Variants in NCKAP5 observed in about 807,000 individuals in gnomAD.
NCKAP5 encodes the protein NCK associated protein 5, also known as nck-associated protein 5.
A neutral mutation model predicts 167.0 loss-of-function variants in NCKAP5; 92 were observed. The observed-to-expected ratio is 0.55, with a 90% CI of 0.47 to 0.66. NCKAP5 has a LOEUF of 0.66. Among genes scored for constraint, NCKAP5 ranks in the 30% least tolerant of loss-of-function variants. NCKAP5 has a pLI of 0.00. For synonymous variants in NCKAP5, 891 were observed against 877.4 expected, an observed-to-expected ratio of 1.02 and a Z score of -0.27; for missense variants, 2,378 against 2,315.0, an observed-to-expected ratio of 1.03 and a Z score of -0.56.
intron 13 of NCKAP5, among the ~76,000 whole-genome samples, chr2:132,789,353 T>G (rs1683861259): frequency 6.6e-6 from 1 of 152,232 alleles, no homozygotes; most frequent in South Asian, 2.1e-4. Context: ...CAGCAGGCTC[T>G]GTACTTTGCA....
At chr2:133,069,866 TA>T (rs2080328296) in intron 6 of NCKAP5, among the ~76,000 whole-genome samples, 1 of 149,960 alleles carries the variant, frequency 6.7e-6, no homozygotes, top group South Asian at 2.1e-4. Context: ...ATTGATTTAT[TA>T]AAAATATATA....
intron 5 of NCKAP5, among the ~76,000 whole-genome samples, chr2:133,135,522 C>T (rs2082758803): frequency 6.6e-6 from 1 of 152,078 alleles, no homozygotes; most frequent in African/African-American, 2.4e-5. Flanking sequence ...AAGATGATTT[C>T]AGATTTGGCA....
intron 5 of NCKAP5, among the ~76,000 whole-genome samples, chr2:133,144,214 A>AT (rs1180157051): frequency 6.6e-6 from 1 of 152,120 alleles, no homozygotes; most frequent in East Asian, 1.9e-4. Flanking sequence ...GAGGGCAAAC[A>AT]TTTTAGGCTT....
At chr2:133,577,772 G>A in the NCKAP5 span, among the ~76,000 whole-genome samples, 6 of 151,954 alleles carry the variant, frequency 3.9e-5, no homozygotes, top group Non-Finnish European at 8.8e-5. Context: ...ATGTATGAGC[G>A]GCCAAGTATA....
intron 13 of NCKAP5, among the ~76,000 whole-genome samples, chr2:132,787,210 T>G (rs942306500): frequency 6.6e-6 from 1 of 152,048 alleles, no homozygotes; most frequent in Non-Finnish European, 1.5e-5. Flanking sequence ...TAGCTGTGCA[T>G]GTTGGCGGGT....
At chr2:132,874,330 G>A (rs1051302741) in intron 9 of NCKAP5, among the ~76,000 whole-genome samples, 5 of 151,968 alleles carry the variant, frequency 3.3e-5, no homozygotes, top group Admixed American at 2.0e-4. Context: ...GGCTGGTCTC[G>A]CACTCCTGAC....
chr2:133,330,265 T>TC (rs1177623607), intron 3 of NCKAP5, among the ~76,000 whole-genome samples: 1 of 141,342 alleles, frequency 7.1e-6, no homozygotes, highest in Non-Finnish European at 1.5e-5. Flanking sequence ...TTTTTTTTTT[T>TC]GTAGAGATGG....
Position 133,294,198 on chromosome 2 carries a change from T to C in NCKAP5, c.143+8839A>G, listed in dbSNP as rs150844754. Among the ~76,000 whole-genome samples the C allele has an allele frequency of 3.2e-3, 487 of 152,330 alleles. 4 individuals are homozygous for C. Among genetic ancestry groups the C allele is most frequent in the Middle Eastern group, 0.02 (6 of 294 alleles). ...TTCTTATTTTATTCAGTGTCCACCA[T>C]TAAGAATTCATGCAGAGCAATTTTA... On this transcript the variant is annotated intron_variant, in intron 4 of 19. Transcript: ENST00000409261.
At chr2:133,035,981 G>T (rs560208441) in intron 6 of NCKAP5, among the ~76,000 whole-genome samples, 3 of 151,846 alleles carry the variant, frequency 2.0e-5, no homozygotes, top group South Asian at 2.1e-4. Context: ...AATCAGAAAT[G>T]ATAAAAGAGA....
intron 11 of NCKAP5, among the ~76,000 whole-genome samples, chr2:132,839,247 ATTTGAT>A (rs1039659365): frequency 2.0e-5 from 3 of 152,154 alleles, no homozygotes; most frequent in African/African-American, 7.2e-5. Context: ...TCTGGATTTT[ATTTGAT>A]TTTATGTATG....
chr2:133,299,257 G>A (rs572986749), intron 4 of NCKAP5, among the ~76,000 whole-genome samples: 5 of 152,144 alleles, frequency 3.3e-5, no homozygotes, highest in African/African-American at 4.8e-5. Context: ...GACCTAGAAC[G>A]CCTGAAAGAA....
At chr2:133,413,912 A>G (rs933413290) in intron 3 of NCKAP5, among the ~76,000 whole-genome samples, 2 of 152,186 alleles carry the variant, frequency 1.3e-5, no homozygotes, top group African/African-American at 4.8e-5. Context: ...ACGGAGTTAA[A>G]GACTTGGCCG....
chr2:132,976,920 G>A (rs557379224), intron 7 of NCKAP5, among the ~76,000 whole-genome samples: 1 of 152,130 alleles, frequency 6.6e-6, no homozygotes, highest in Admixed American at 6.5e-5. Flanking sequence ...CAAATAAATA[G>A]TTATATATCT....
chr2:132,738,541 T>C (rs1178216709), intron 16 of NCKAP5, among the ~76,000 whole-genome samples: 1 of 152,260 alleles, frequency 6.6e-6, no homozygotes, highest in Non-Finnish European at 1.5e-5. Flanking sequence ...TTACTCATTA[T>C]ATGAACTTCT....
intron 3 of NCKAP5, among the ~76,000 whole-genome samples, chr2:133,503,446 G>A (rs1169712057): frequency 6.6e-6 from 1 of 152,202 alleles, no homozygotes; most frequent in African/African-American, 2.4e-5. Flanking sequence ...TTTGAGGGTA[G>A]CACATGGCTA....
chr2:133,607,229 T>C, the NCKAP5 span, among the ~76,000 whole-genome samples: 1 of 152,202 alleles, frequency 6.6e-6, no homozygotes, highest in African/African-American at 2.4e-5. Context: ...GTTGCCTTTT[T>C]TAGAAAATGG....
At chr2:132,935,681 T>A (rs760496712) in intron 8 of NCKAP5, among the ~76,000 whole-genome samples, 37 of 151,978 alleles carry the variant, frequency 2.4e-4, no homozygotes, top group Non-Finnish European at 5.9e-5. Flanking sequence ...AGTGGTGGAA[T>A]GGGAGTTGGA....
chr2:132,816,394 G>T (rs929626250), intron 11 of NCKAP5, among the ~76,000 whole-genome samples: 7 of 152,130 alleles, frequency 4.6e-5, no homozygotes, highest in African/African-American at 1.7e-4. Flanking sequence ...CCAATGCTGA[G>T]TCACAGTTGC....
chr2:133,415,437 T>C (rs1418662523), intron 3 of NCKAP5, among the ~76,000 whole-genome samples: 1 of 152,242 alleles, frequency 6.6e-6, no homozygotes, highest in Non-Finnish European at 1.5e-5. Flanking sequence ...CTATAAGGCA[T>C]CTGGTGACGC....
Sources: gnomAD v4.1 joint callset for allele counts (sites outside exome capture counted in the v4.1 genomes callset) on GRCh38, gnomAD v4.1.1 for gene constraint, MANE v1.5 for transcripts, NCBI Gene and HGNC (gene_info 2026-07-23, HGNC 2026-07-21) for gene names.